Variants in CTNNA3 observed in about 807,000 individuals in gnomAD.
CTNNA3 encodes catenin alpha-3.
CTNNA3 carries 76 observed loss-of-function variants against 95.7 expected under a neutral mutation model. The ratio of observed to expected loss-of-function variants is 0.79; its 90% CI spans 0.66 to 0.96. The LOEUF (loss-of-function observed/expected upper bound fraction) is 0.96. Among genes scored for constraint, CTNNA3 ranks in the 40% least tolerant of loss-of-function variants. The pLI, the probability that CTNNA3 is intolerant of heterozygous loss-of-function variation, is 0.00. For missense variants in CTNNA3, 1,191 were observed against 1,089.8 expected, an observed-to-expected ratio of 1.09 and a Z score of -1.31; for synonymous variants, 431 against 374.4, an observed-to-expected ratio of 1.15 and a Z score of -1.74.
chr10:66,728,087 A>G (rs962912636), intron 9 of CTNNA3, among the ~76,000 whole-genome samples: 9 of 152,186 alleles, frequency 5.9e-5, no homozygotes, highest in Admixed American at 4.6e-4. Flanking sequence ...TTGCACATAC[A>G]TATTAACAAA....
At chr10:67,565,900 G>A (rs1385230784) in intron 3 of CTNNA3, among the ~76,000 whole-genome samples, 2 of 135,136 alleles carry the variant, frequency 1.5e-5, no homozygotes, top group Non-Finnish European at 3.1e-5. Flanking sequence ...TCACTTGTAT[G>A]TTTATTGCAG....
chr10:67,750,359 G>A (rs539172839), intron 1 of CTNNA3: 68 of 1,507,036 alleles, frequency 4.5e-5, no homozygotes, highest in Middle Eastern at 3.6e-4. Context: ...GTCTCCTCTC[G>A]GCAAAGTGAA....
chr10:66,898,529 G>C (rs926258109), intron 7 of CTNNA3, among the ~76,000 whole-genome samples: 2 of 152,060 alleles, frequency 1.3e-5, no homozygotes, highest in South Asian at 2.1e-4. Context: ...ACAGAATAGA[G>C]CATCCAGAAA....
intron 10 of CTNNA3, among the ~76,000 whole-genome samples, chr10:66,593,913 G>C (rs1276974095): frequency 6.6e-6 from 1 of 151,878 alleles, no homozygotes; most frequent in East Asian, 1.9e-4. Flanking sequence ...TTTTCTGATG[G>C]CTGAATCCTC....
At chr10:66,745,231 T>C (rs987573325) in intron 9 of CTNNA3, among the ~76,000 whole-genome samples, 2 of 152,204 alleles carry the variant, frequency 1.3e-5, no homozygotes, top group African/African-American at 2.4e-5. Flanking sequence ...AAGTTTGGCA[T>C]ATGCAGAAGT....
At chr10:66,300,560 C>T (rs1830257873) in intron 12 of CTNNA3, among the ~76,000 whole-genome samples, 1 of 151,266 alleles carries the variant, frequency 6.6e-6, no homozygotes, top group Non-Finnish European at 1.5e-5. Context: ...GATATGGATT[C>T]CTGATACTAG....
intron 17 of CTNNA3, among the ~76,000 whole-genome samples, chr10:65,962,587 G>T (rs2077868545): frequency 6.6e-6 from 1 of 151,444 alleles, no homozygotes; most frequent in African/African-American, 2.4e-5. Flanking sequence ...TTTAAGTTCT[G>T]GGTTACATGT....
At chr10:67,057,448 T>G (rs1357230873) in intron 7 of CTNNA3, among the ~76,000 whole-genome samples, 1 of 152,158 alleles carries the variant, frequency 6.6e-6, no homozygotes, top group Non-Finnish European at 1.5e-5. Flanking sequence ...CCCTGCTACC[T>G]ACCCTTCTAC....
At chr10:67,387,482 G>T (rs995108993) in intron 5 of CTNNA3, among the ~76,000 whole-genome samples, 3 of 152,210 alleles carry the variant, frequency 2.0e-5, no homozygotes, top group Non-Finnish European at 2.9e-5. Context: ...GAGGCTGGGG[G>T]AGGGGCGCCC....
rs146660137 is a variant in CTNNA3, at chr10:65,997,295, T to C, written c.2160-8498A>G. ...AATCCAGAAAAAAATGAATTAGGCC[T>C]GAGGACAATTAATAAGAAGTACTGA... On this transcript the variant is annotated intron_variant, in intron 15 of 17. Coordinates refer to ENST00000433211, the MANE Select transcript of CTNNA3 (RefSeq NM_013266.4). Among the ~76,000 whole-genome samples the C allele has an allele frequency of 5.3e-5, 8 of 152,334 alleles. No homozygotes were observed. In the East Asian group the frequency reaches 1.5e-3, roughly 29 times the overall value.
chr10:66,415,765 G>C (rs1197215360), intron 11 of CTNNA3, among the ~76,000 whole-genome samples: 2 of 151,862 alleles, frequency 1.3e-5, no homozygotes, highest in East Asian at 1.9e-4. Context: ...AATCAAGGGA[G>C]ACTACACTAA....
intron 5 of CTNNA3, among the ~76,000 whole-genome samples, chr10:67,422,058 A>T (rs1246066031): frequency 1.3e-5 from 2 of 152,124 alleles, no homozygotes; most frequent in Non-Finnish European, 2.9e-5. Context: ...AAAAACACAA[A>T]CACAAGACAA....
intron 9 of CTNNA3, among the ~76,000 whole-genome samples, chr10:66,688,665 T>C (rs1287728382): frequency 3.3e-5 from 5 of 152,066 alleles, no homozygotes; most frequent in Non-Finnish European, 4.4e-5. Context: ...TTTTCTAAAA[T>C]TAAAGCCCCA....
chr10:66,240,105 T>A (rs565067843), intron 13 of CTNNA3, among the ~76,000 whole-genome samples: 11 of 152,124 alleles, frequency 7.2e-5, no homozygotes, highest in Non-Finnish European at 1.2e-4. Flanking sequence ...GTATTTTTAT[T>A]ATAATGGTAA....
chr10:66,951,241 G>A (rs1050324253), intron 7 of CTNNA3, among the ~76,000 whole-genome samples: 41 of 151,702 alleles, frequency 2.7e-4, no homozygotes, highest in Admixed American at 2.7e-3. Flanking sequence ...TCAGCCTCCT[G>A]AGTAGCTGGG....
At chr10:67,375,992 C>T (rs960628613) in intron 5 of CTNNA3, among the ~76,000 whole-genome samples, 2 of 152,128 alleles carry the variant, frequency 1.3e-5, no homozygotes, top group Non-Finnish European at 2.9e-5. Flanking sequence ...CATTTACCTT[C>T]TACCTTGAGA....
intron 7 of CTNNA3, among the ~76,000 whole-genome samples, chr10:66,894,003 C>T (rs1049522503): frequency 3.3e-5 from 5 of 151,996 alleles, no homozygotes; most frequent in Admixed American, 1.3e-4. Flanking sequence ...GTATCATCTA[C>T]AAATTTATTT....
chr10:67,189,136 C>CAA lies in CTNNA3; in HGVS notation c.844-8618_844-8617dup, dbSNP rs1203511442. On this transcript the variant is annotated intron_variant, in intron 6 of 17. Coordinates refer to ENST00000433211, the MANE Select transcript of CTNNA3 (RefSeq NM_013266.4). ...TGTCAAACAAACAAACAAACAACAA[C>CAA]AACAACAAAAAAAAAAACAGAAAAT... Among the ~76,000 whole-genome samples the CAA allele has an allele frequency of 3.9e-3, 463 of 120,064 alleles. 2 individuals carry two copies. Among genetic ancestry groups the CAA allele is most frequent in the African/African-American group, 0.025 (442 of 17,960 alleles). The allele number at this position is 120,064 out of a possible 152,430, so 78.8% of individuals were successfully genotyped here.
chr10:67,254,574 A>G (rs1866256388), intron 5 of CTNNA3, among the ~76,000 whole-genome samples: 1 of 152,216 alleles, frequency 6.6e-6, no homozygotes. Context: ...CAGGTCTCTC[A>G]AGCTCACTAT....
Sources: gnomAD v4.1 joint callset for allele counts (sites outside exome capture counted in the v4.1 genomes callset) on GRCh38, gnomAD v4.1.1 for gene constraint, MANE v1.5 for transcripts, NCBI Gene and HGNC (gene_info 2026-07-23, HGNC 2026-07-21) for gene names.